Variants in EPC1 observed in about 807,000 individuals in gnomAD.
EPC1 encodes the protein enhancer of polycomb 1.
EPC1 carries 12 observed loss-of-function variants against 98.4 expected under a neutral mutation model. That is an observed-to-expected ratio of 0.12 (90% confidence interval 0.08 to 0.20). The LOEUF is 0.20. Among genes scored for constraint, EPC1 ranks in the 10% least tolerant of loss-of-function variants. The pLI is 1.00. For missense variants in EPC1, 729 were observed against 990.5 expected (o/e 0.74, Z 3.54); for synonymous variants, 357 against 363.9 (o/e 0.98, Z 0.21).
rs934177243 is a variant in EPC1, at chr10:32,362,328, G to A, written c.3+16163C>T. On this transcript the variant is annotated intron_variant, in intron 1 of 13. Coordinates refer to the EPC1 transcript ENST00000375110. ...ATCCCTAATGTTGGAGGTGGGGTCC[G>A]GTGGGAGCTGCTTGGATCAGGGGGT... Among the ~76,000 whole-genome samples the A allele has an allele frequency of 6.6e-5, 10 of 152,008 alleles. No individual in the cohort carries two copies. In the East Asian group the frequency reaches 7.8e-4, roughly 12 times the overall value.
rs775966421 is a variant in EPC1, at chr10:32,300,434, CTTT to C, written c.313+5335_313+5337del. On this transcript the variant is annotated intron_variant, in intron 2 of 13. Transcript: ENST00000319778. ...TTTTCTATAGTGTATCAATTCAACTCTTTTTTTTTTTTTTCCTGAGACAGAGTC... is the reference window on the plus strand; with the variant it reads ...TTTTCTATAGTGTATCAATTCAACTCTTTTTTTTTTTCCTGAGACAGAGTC... Among the ~76,000 whole-genome samples the C allele has an allele frequency of 4.3e-5, 6 of 138,906 alleles. No homozygotes were observed. In the East Asian group the frequency reaches 1.3e-3, roughly 29 times the overall value. The allele number at this position is 138,906 out of a possible 152,430, so 91.1% of individuals were successfully genotyped here.
intron 1 of EPC1, among the ~76,000 whole-genome samples, chr10:32,313,774 T>A (rs1836388165): frequency 6.6e-6 from 1 of 152,034 alleles, no homozygotes; most frequent in African/African-American, 2.4e-5. Context: ...TAATCTCAGC[T>A]ACTCTGAAGG....
intron 1 of EPC1, among the ~76,000 whole-genome samples, chr10:32,306,857 AACACACACACAC>A (rs3029539): frequency 1.3e-5 from 2 of 149,754 alleles, no homozygotes; most frequent in East Asian, 2.0e-4. Context: ...ATTAAATTCA[AACACACACACAC>A]ACACACACAC....
chr10:32,287,036 G>T (rs1488718181), intron 7 of EPC1, 21 bp from the exon 8 acceptor site: 4 of 1,613,712 alleles, frequency 2.5e-6, no homozygotes, highest in Non-Finnish European at 3.4e-6. Flanking sequence ...AATAAAGAAA[G>T]TAGGTCAGAT....
At chr10:32,346,726 G>A in intron 1 of EPC1, 37 bp downstream of exon 1, 2 of 1,590,724 alleles carry the variant, frequency 1.3e-6, no homozygotes, top group Non-Finnish European at 1.7e-6. Context: ...GAGGGAGCGG[G>A]CCTGACGGTG....
chr10:32,271,705 C>G lies in EPC1; in HGVS notation c.2218G>C (p.Val740Leu), dbSNP rs1448144532. 6.2e-7 allele frequency: 1 copy of G among 1,614,186 alleles called. No individual in the cohort carries two copies. Among genetic ancestry groups the G allele is most frequent in the South Asian group, 1.1e-5 (1 of 91,086 alleles). The change falls in exon 13 of 14, where the codon GTT becomes CTT. Residue 740 changes from valine to leucine, a missense_variant. This residue lies in a region of EPC1 where 156 missense variants were observed against 188.9 expected (regional missense o/e 0.83). Coordinates refer to ENST00000319778, the MANE Select transcript of EPC1 (RefSeq NM_001272004.3). ...NNIRLTVPSS[V>L]ATVNSIAPIN... ...GGGGCAATAGAGTTTACAGTGGCAA[C>G]TGATGAAGGTACAGTTAATCGAATG...
chr10:32,317,578 G>T (rs986276147), intron 1 of EPC1, among the ~76,000 whole-genome samples: 1 of 152,146 alleles, frequency 6.6e-6, no homozygotes, highest in African/African-American at 2.4e-5. Flanking sequence ...GGAGGTGGAG[G>T]TTGTAGTGAG....
Position 32,344,135 on chromosome 10 carries a change from AGTTT to A in EPC1, c.153+2624_153+2627del, listed in dbSNP as rs528328790. 9.1e-4 allele frequency among the ~76,000 whole-genome samples: 138 copies of A among 152,326 alleles called. 1 individual carries two copies. Among genetic ancestry groups the A allele is most frequent in the Middle Eastern group, 3.4e-3 (1 of 294 alleles). On this transcript the variant is annotated intron_variant, in intron 1 of 13. Coordinates refer to ENST00000319778, the MANE Select transcript of EPC1 (RefSeq NM_001272004.3). ...TACAAAATACTTCCGCACATCAAAA[AGTTT>A]GTTTTTCTATGGAGAATCCAGAATT...
chr10:32,287,404 C>A, intron 6 of EPC1, 130 bp from the exon 7 acceptor site: 1 of 866,626 alleles, frequency 1.2e-6, no homozygotes. Flanking sequence ...ACACAACACT[C>A]TATGTTTGGC....
chr10:32,279,347 TAA>T (rs397972135), intron 10 of EPC1, among the ~76,000 whole-genome samples: 26 of 130,252 alleles, frequency 2.0e-4, no homozygotes, highest in Non-Finnish European at 2.2e-4. Context: ...GACTCTGTCT[TAA>T]AAAAAAAAAA....
chr10:32,300,719 C>A (rs1835465560), intron 2 of EPC1, among the ~76,000 whole-genome samples: 2 of 152,132 alleles, frequency 1.3e-5, no homozygotes, highest in Admixed American at 6.5e-5. Flanking sequence ...CAAGTGTGAG[C>A]CACCGCGTCC....
intron 1 of EPC1, 104 bp downstream of exon 1, chr10:32,346,659 G>A (rs2133066793): frequency 4.4e-6 from 5 of 1,140,722 alleles, no homozygotes; most frequent in East Asian, 2.4e-5. Context: ...CGGCGGCGAA[G>A]AGAAGATGGC....
chr10:32,271,898 G>T lies in EPC1; in HGVS notation c.2025C>A (p.His675Gln). ...GTGCTGTTGGTGTAGTACTACTGAGGTGTAAGCCCTTGTATACTCCTAGAG... is the reference window on the plus strand; with the variant it reads ...GTGCTGTTGGTGTAGTACTACTGAGTTGTAAGCCCTTGTATACTCCTAGAG... ...LPASGVYKGL[H>Q]LSSTTPTALV... The change falls in exon 13 of 14, where the codon CAC becomes CAA. Residue 675 changes from histidine (H) to glutamine (Q), a missense_variant. Physicochemically the swap from His to Gln is conservative, Grantham distance 24 (BLOSUM62 0). Transcript: ENST00000319778. 1 of 1,613,870 alleles carries T rather than the reference G, an allele frequency of 6.2e-7. No individual in the cohort carries two copies. The highest frequency in any genetic ancestry group is 8.5e-7 in the Non-Finnish European group (1 of 1,179,870).
At chr10:32,320,188 GTTGT>G (rs1388788684) in intron 1 of EPC1, among the ~76,000 whole-genome samples, 6 of 143,278 alleles carry the variant, frequency 4.2e-5, no homozygotes, top group African/African-American at 1.0e-4. Context: ...CCAAATAATG[GTTGT>G]TTTTTTTTTT....
At chr10:32,372,197 C>G (rs1839769421) in intron 1 of EPC1, among the ~76,000 whole-genome samples, 1 of 152,108 alleles carries the variant, frequency 6.6e-6, no homozygotes, top group South Asian at 2.1e-4. Context: ...CACCACAGGC[C>G]AGCTGAACCT....
chr10:32,352,015 C>T (rs530443944), upstream of EPC1, among the ~76,000 whole-genome samples: 15 of 144,112 alleles, frequency 1.0e-4, no homozygotes, highest in East Asian at 2.6e-3. Context: ...GGATGACAGG[C>T]ATGAACCATC....
intron 1 of EPC1, among the ~76,000 whole-genome samples, chr10:32,335,291 G>A (rs1312674598): frequency 2.6e-5 from 4 of 152,070 alleles, no homozygotes; most frequent in Admixed American, 2.0e-4. Context: ...TAATCTCAGT[G>A]TCTCCTAATC....
chr10:32,304,439 C>G (rs954165092), intron 2 of EPC1, among the ~76,000 whole-genome samples: 24 of 152,166 alleles, frequency 1.6e-4, no homozygotes, highest in Middle Eastern at 3.2e-3. Flanking sequence ...TGGAAAACAA[C>G]TTTTTAGGTT....
intron 1 of EPC1, among the ~76,000 whole-genome samples, chr10:32,321,774 A>G (rs905088214): frequency 5.3e-5 from 8 of 151,970 alleles, no homozygotes; most frequent in South Asian, 2.1e-4. Flanking sequence ...CCAGAACCCT[A>G]TGATCTTTCT....
Sources: gnomAD v4.1 joint callset for allele counts (sites outside exome capture counted in the v4.1 genomes callset) on GRCh38, gnomAD v4.1.1 for gene constraint, gnomAD v4.1.1 regional missense constraint, MANE v1.5 for transcripts, NCBI Gene and HGNC (gene_info 2026-07-23, HGNC 2026-07-21) for gene names.